CSMD3: variants seen among roughly 807,000 people sequenced by gnomAD.
CSMD3 encodes CUB and Sushi multiple domains 3.
Under a neutral mutation model 435.2 loss-of-function variants are expected in CSMD3, and 177 were observed. That is an observed-to-expected ratio of 0.41 (90% confidence interval 0.36 to 0.46). The LOEUF (loss-of-function observed/expected upper bound fraction) is 0.46, where lower values mean the gene tolerates loss of function less well. Among genes scored for constraint, CSMD3 ranks in the 20% least tolerant of loss-of-function variants. The pLI is 0.34. For synonymous variants in CSMD3, 1,656 were observed against 1,520.5 expected, an observed-to-expected ratio of 1.09 and a Z score of -2.07; for missense variants, 4,265 against 4,504.6, an observed-to-expected ratio of 0.95 and a Z score of 1.52.
At chr8:113,384,835 T>A (rs898488025) in intron 1 of CSMD3, among the ~76,000 whole-genome samples, 23 of 152,114 alleles carry the variant, frequency 1.5e-4, no homozygotes, top group African/African-American at 4.6e-4. Flanking sequence ...TGGAACCCAG[T>A]GGAAAGTCAC....
chr8:112,850,987 A>G (rs2080466697), intron 11 of CSMD3, among the ~76,000 whole-genome samples: 1 of 152,180 alleles, frequency 6.6e-6, no homozygotes, highest in Non-Finnish European at 1.5e-5. Context: ...TGTAGTTATT[A>G]CTTTTATTTT....
intron 10 of CSMD3, among the ~76,000 whole-genome samples, chr8:112,908,969 T>TCTGAAAGTCA (rs2082334932): frequency 6.6e-6 from 1 of 151,616 alleles, no homozygotes; most frequent in Admixed American, 6.6e-5. Context: ...GTCATTTCTA[T>TCTGAAAGTCA]AGTCTTAATG....
At chr8:112,469,782 G>A (rs1818339637) in intron 32 of CSMD3, among the ~76,000 whole-genome samples, 1 of 152,092 alleles carries the variant, frequency 6.6e-6, no homozygotes, top group African/African-American at 2.4e-5. Context: ...CATAGCCCAG[G>A]GGTTAGGAAT....
rs566422982 is a variant in CSMD3 at position 113,420,049 on chromosome 8, T to C, written c.178+16628A>G. Among the ~76,000 whole-genome samples, 33 of 152,192 alleles carry C rather than the reference T, an allele frequency of 2.2e-4. No homozygotes were observed. In the South Asian group the frequency reaches 6.0e-3, roughly 28 times the overall value. On this transcript the variant is annotated intron_variant, in intron 1 of 70. Coordinates refer to ENST00000297405, the MANE Select transcript of CSMD3 (RefSeq NM_198123.2). ...TAAGAAGTAAAGTATAAATTGAAGA[T>C]CTCAAATAATATTATGAAACATAAA...
At chr8:113,023,804 C>T (rs1198809894) in intron 5 of CSMD3, among the ~76,000 whole-genome samples, 3 of 152,060 alleles carry the variant, frequency 2.0e-5, no homozygotes, top group Non-Finnish European at 2.9e-5. Flanking sequence ...AGACACATAA[C>T]AATTGCACAT....
intron 1 of CSMD3, among the ~76,000 whole-genome samples, chr8:113,367,511 T>C (rs1236462168): frequency 6.6e-6 from 1 of 152,120 alleles, no homozygotes; most frequent in Admixed American, 6.6e-5. Context: ...ACAATTATGA[T>C]TCTTCCAAAA....
At chr8:113,318,916 T>C (rs2093930117) in intron 1 of CSMD3, among the ~76,000 whole-genome samples, 1 of 151,964 alleles carries the variant, frequency 6.6e-6, no homozygotes, top group Non-Finnish European at 1.5e-5. Context: ...TATGTATATA[T>C]ACACATTTCA....
intron 70 of CSMD3, among the ~76,000 whole-genome samples, chr8:112,225,302 T>C (rs1812464019): frequency 6.6e-6 from 1 of 152,144 alleles, no homozygotes; most frequent in South Asian, 2.1e-4. Context: ...AAATATTTAC[T>C]GAACATCTAT....
intron 4 of CSMD3, among the ~76,000 whole-genome samples, chr8:113,111,642 CACT>C (rs1327884213): frequency 6.6e-6 from 1 of 152,080 alleles, no homozygotes; most frequent in Admixed American, 6.6e-5. Context: ...ACGGGCCCAT[CACT>C]ACAAGAATTC....
At chr8:113,414,113 T>C (rs952067405) in intron 1 of CSMD3, among the ~76,000 whole-genome samples, 3 of 152,140 alleles carry the variant, frequency 2.0e-5, no homozygotes, top group Admixed American at 2.0e-4. Context: ...GATGGATAGA[T>C]AACTGAGAGG....
At chr8:112,531,030 C>T (rs570258600) in intron 27 of CSMD3, among the ~76,000 whole-genome samples, 18 of 152,134 alleles carry the variant, frequency 1.2e-4, no homozygotes, top group African/African-American at 1.7e-4. Flanking sequence ...GCTGCGGGGG[C>T]CACAGAAGTG....
intron 1 of CSMD3, among the ~76,000 whole-genome samples, chr8:113,321,466 C>T (rs571605479): frequency 6.6e-6 from 1 of 152,032 alleles, no homozygotes; most frequent in Non-Finnish European, 1.5e-5. Flanking sequence ...TCAAAATGTT[C>T]ACTTACTAGA....
At chr8:112,625,251 G>T (rs1356604360) in intron 22 of CSMD3, among the ~76,000 whole-genome samples, 2 of 151,900 alleles carry the variant, frequency 1.3e-5, no homozygotes, top group Admixed American at 1.3e-4. Context: ...ACCTTTTATA[G>T]GTACAAGGCA....
intron 22 of CSMD3, among the ~76,000 whole-genome samples, chr8:112,602,548 A>G (rs1357753998): frequency 6.9e-6 from 1 of 145,854 alleles, no homozygotes; most frequent in African/African-American, 2.6e-5. Context: ...CCTGGGCAAC[A>G]AGAGCAAAAC....
At position 112,587,046 on chromosome 8, in the gene CSMD3, G is replaced by A. The variant is rs62516512; in HGVS notation, c.3885+20C>T. The stretch of plus-strand genomic sequence containing the variant: ...ATGACTAAAAATGAACAATATACAA[G>A]TATGTCTGAGTTCACCTACCTTAAG... On this transcript the variant is annotated intron_variant, in intron 23 of 70. Transcript: ENST00000297405. 2 of 1,573,612 alleles carry A rather than the reference G, an allele frequency of 1.3e-6. No homozygotes were observed. The highest frequency in any genetic ancestry group is 1.7e-6 in the Non-Finnish European group (2 of 1,144,958).
Position 113,367,641 on chromosome 8 carries a change from C to T in CSMD3, c.179-52848G>A, listed in dbSNP as rs187930693. On this transcript the variant is annotated intron_variant, in intron 1 of 70. Transcript: ENST00000297405. ...AACTTCGTTTTACACCATACGCCTT[C>T]TTGCTCTCTTCTTGCGTCTGGCTTC... 3.3e-3 allele frequency among the ~76,000 whole-genome samples: 497 copies of T among 152,242 alleles called. 1 individual carries two copies. The highest frequency in any genetic ancestry group is 5.0e-3 in the Non-Finnish European group (341 of 67,984).
chr8:112,703,501 AC>A (rs1236171006), intron 13 of CSMD3, among the ~76,000 whole-genome samples: 1 of 152,118 alleles, frequency 6.6e-6, no homozygotes, highest in Non-Finnish European at 1.5e-5. Context: ...AAAGTAATAA[AC>A]CCTAATTTTA....
At chr8:113,207,487 A>G (rs1269784121) in intron 3 of CSMD3, among the ~76,000 whole-genome samples, 1 of 151,228 alleles carries the variant, frequency 6.6e-6, no homozygotes, top group Non-Finnish European at 1.5e-5. Context: ...GGTTCAAGTG[A>G]TTCTGCTGCC....
At chr8:113,269,730 C>T (rs140836378) in intron 3 of CSMD3, among the ~76,000 whole-genome samples, 60 of 151,732 alleles carry the variant, frequency 4.0e-4, no homozygotes, top group Middle Eastern at 6.8e-3. Flanking sequence ...CCCTATTTAA[C>T]AAATGGTGCT....
Sources: allele counts gnomAD v4.1 joint callset (sites outside exome capture counted in the v4.1 genomes callset), GRCh38; gene constraint gnomAD v4.1.1; transcripts MANE v1.5; gene names NCBI Gene and HGNC (gene_info 2026-07-23, HGNC 2026-07-21).